The following CEP170 variants were observed in gnomAD, a reference collection of about 807,000 sequenced individuals.
CEP170 encodes the protein centrosomal protein of 170 kDa.
CEP170 carries 21 observed loss-of-function variants against 151.9 expected under a neutral mutation model. That is an observed-to-expected ratio of 0.14 (90% CI 0.10 to 0.20). CEP170 has a LOEUF of 0.20. Among genes scored for constraint, CEP170 ranks in the 10% least tolerant of loss-of-function variants. CEP170 has a pLI of 1.00. For missense variants in CEP170, 964 were observed against 1,892.9 expected, an observed-to-expected ratio of 0.51 and a Z score of 9.11; for synonymous variants, 356 against 648.8, an observed-to-expected ratio of 0.55 and a Z score of 6.86.
intron 10 of CEP170, among the ~76,000 whole-genome samples, chr1:243,173,186 G>A (rs1339988496): frequency 1.3e-5 from 2 of 151,432 alleles, no homozygotes; most frequent in Non-Finnish European, 2.9e-5. Context: ...TCAGCTTCCC[G>A]AGTGGCTGGG....
chr1:243,213,477 G>C (rs2061996670), intron 3 of CEP170, among the ~76,000 whole-genome samples: 1 of 152,134 alleles, frequency 6.6e-6, no homozygotes, highest in African/African-American at 2.4e-5. Flanking sequence ...AAATACAAGA[G>C]ACAGTGGGAT....
chr1:243,128,730 C>T (rs1226044544), intron 18 of CEP170: 1 of 153,942 alleles, frequency 6.5e-6, no homozygotes, highest in Non-Finnish European at 1.4e-5. Context: ...CAATGCCTGG[C>T]TAATTTTTGT....
chr1:243,234,114 C>T (rs569956557), intron 1 of CEP170, among the ~76,000 whole-genome samples: 2 of 152,256 alleles, frequency 1.3e-5, no homozygotes, highest in South Asian at 2.1e-4. Flanking sequence ...AAAGATTAAA[C>T]CTCCTCTCAC....
At position 243,204,880 on chromosome 1, in the gene CEP170, G is replaced by T. The variant is rs573327216; in HGVS notation, c.275-4045C>A. On this transcript the variant is annotated intron_variant, in intron 4 of 19. Transcript: ENST00000366542. ...ACTTCTCAATCTTCTGGATAAGATG[G>T]AGTAAAAAGAATTGGATTTATTCTC... is the stretch of plus-strand genomic sequence containing the variant. Among the ~76,000 whole-genome samples, 353 of 152,022 alleles carry T rather than the reference G, an allele frequency of 2.3e-3. 1 individual carries two copies. The highest frequency in any genetic ancestry group is 8.3e-3 in the African/African-American group (346 of 41,456).
chr1:243,213,790 G>A (rs755736742), intron 3 of CEP170, among the ~76,000 whole-genome samples: 4 of 152,146 alleles, frequency 2.6e-5, no homozygotes, highest in Non-Finnish European at 5.9e-5. Flanking sequence ...ATCTCATTCT[G>A]AAGCCTCGAC....
intron 10 of CEP170, among the ~76,000 whole-genome samples, chr1:243,174,782 G>A (rs539391478): frequency 3.8e-4 from 58 of 152,258 alleles, no homozygotes; most frequent in African/African-American, 1.1e-3. Flanking sequence ...TAACATTAGC[G>A]TTAAGTTTAA....
intron 1 of CEP170, among the ~76,000 whole-genome samples, chr1:243,231,193 T>TCATCATCATC (rs1558660590): frequency 2.4e-5 from 2 of 82,754 alleles, no homozygotes; most frequent in Non-Finnish European, 6.1e-5. Flanking sequence ...TCATCATCAT[T>TCATCATCATC]ATTATTATTA....
rs1292451502 is a variant in CEP170 at position 243,125,530 on chromosome 1, C to T, written c.*919G>A. 1 of 152,640 alleles carries T rather than the reference C, an allele frequency of 6.6e-6. No individual in the cohort carries two copies. The highest frequency in any genetic ancestry group is 1.5e-5 in the Non-Finnish European group (1 of 68,088). The allele number at this position is 152,640 out of a possible 1,614,324, so 9.5% of individuals were successfully genotyped here. A position where few individuals can be genotyped will look rare whatever the true frequency, so the allele number is the denominator to read the frequency against. ...TTCTTTTTCAACTGTCACATATAAA[C>T]TTGGTAACACAGGACCAATATACAT... is the stretch of plus-strand genomic sequence containing the variant. On this transcript the variant is annotated 3_prime_UTR_variant, in exon 20 of 20. Coordinates refer to ENST00000366542, the MANE Select transcript of CEP170 (RefSeq NM_014812.3).
At chr1:243,226,000 T>C (rs1408714535) in intron 1 of CEP170, among the ~76,000 whole-genome samples, 2 of 147,560 alleles carry the variant, frequency 1.4e-5, no homozygotes, top group African/African-American at 2.5e-5. Context: ...TATACACGTA[T>C]ATATATCTAG....
chr1:243,168,408 T>C (rs1276870322), intron 12 of CEP170: 1 of 152,008 alleles, frequency 6.6e-6, no homozygotes, highest in Non-Finnish European at 1.5e-5. Context: ...TTTTTAACTG[T>C]AAGTGAGTAT....
At chr1:243,184,298 A>G (rs2059806646) in intron 10 of CEP170, among the ~76,000 whole-genome samples, 1 of 152,126 alleles carries the variant, frequency 6.6e-6, no homozygotes, top group Non-Finnish European at 1.5e-5. Context: ...CAAAGTTTAT[A>G]TTTAATCCCA....
Position 243,126,175 on chromosome 1 carries a change from A to G in CEP170, c.*274T>C, listed in dbSNP as rs537268220. 1.9e-6 allele frequency: 1 copy of G among 530,872 alleles called. No homozygotes were observed. The highest frequency in any genetic ancestry group is 2.2e-5 in the Admixed American group (1 of 44,640). 32.9% of individuals were successfully genotyped at this position (530,872 alleles called of 1,614,324 possible). The stretch of plus-strand genomic sequence containing the variant: ...AAAGATCTATGAAGGGAAAGGGTGT[A>G]ATCATTAAATTCAATTTGAAAATCA... On this transcript the variant is annotated 3_prime_UTR_variant, in exon 20 of 20. Coordinates refer to ENST00000366542, the MANE Select transcript of CEP170 (RefSeq NM_014812.3).
chr1:243,133,091 A>G (rs2054608796), intron 17 of CEP170, among the ~76,000 whole-genome samples: 1 of 152,200 alleles, frequency 6.6e-6, no homozygotes, highest in Non-Finnish European at 1.5e-5. Flanking sequence ...ATCTCTCACC[A>G]TACTCTGGCC....
intron 14 of CEP170, among the ~76,000 whole-genome samples, chr1:243,145,121 T>C (rs914493565): frequency 6.6e-6 from 1 of 152,168 alleles, no homozygotes; most frequent in African/African-American, 2.4e-5. Context: ...AAAGGATATA[T>C]TAAAAATTAG....
chr1:243,159,286 C>T (rs536417506), intron 13 of CEP170, among the ~76,000 whole-genome samples: 1 of 152,082 alleles, frequency 6.6e-6, no homozygotes, highest in African/African-American at 2.4e-5. Context: ...AAGAAAAGCT[C>T]CAGTTAACTC....
In CEP170 at chr1:243,218,317, C is replaced by T. The variant is rs531546663; in HGVS notation, c.195+3407G>A. 7.4e-4 allele frequency among the ~76,000 whole-genome samples: 112 copies of T among 152,320 alleles called. 1 individual carries two copies. The South Asian group carries it at 0.017, about 23-fold the overall frequency. ...AGTCCAGTAACAAATGGCAGGCTTG[C>T]AATGGCACAGGAGGGGTAGGGCAGA... On this transcript the variant is annotated intron_variant, in intron 3 of 19. Coordinates refer to ENST00000366542, the MANE Select transcript of CEP170 (RefSeq NM_014812.3).
intron 8 of CEP170, 63 bp from the exon 9 acceptor site, chr1:243,186,485 A>G (rs2148722449): frequency 1.3e-6 from 2 of 1,507,206 alleles, no homozygotes; most frequent in African/African-American, 1.4e-5. Flanking sequence ...ATTTAGAAGC[A>G]TATACAAAAG....
chr1:243,254,992 T>TGGCTGC (rs1361209526), intron 1 of CEP170, 48 bp downstream of exon 1: 2 of 152,122 alleles, frequency 1.3e-5, no homozygotes, highest in South Asian at 2.1e-4. Context: ...GCCGCGGCGG[T>TGGCTGC]GGCTGCGGCT....
At chr1:243,220,283 A>C (rs1426854994) in intron 3 of CEP170, among the ~76,000 whole-genome samples, 1 of 152,220 alleles carries the variant, frequency 6.6e-6, no homozygotes, top group Non-Finnish European at 1.5e-5. Flanking sequence ...CAGGAAGACT[A>C]CTGTTTGGAA....
Sources: gnomAD v4.1 joint callset for allele counts (sites outside exome capture counted in the v4.1 genomes callset) on GRCh38, gnomAD v4.1.1 for gene constraint, MANE v1.5 for transcripts, NCBI Gene and HGNC (gene_info 2026-07-23, HGNC 2026-07-21) for gene names.